Variants in ATAD2B observed in about 807,000 individuals in gnomAD.
ATAD2B encodes the protein ATPase family AAA domain containing 2B.
ATAD2B carries 40 observed loss-of-function variants against 167.6 expected under a neutral mutation model. That is an observed-to-expected ratio of 0.24 (90% CI 0.19 to 0.31). The LOEUF is 0.31. Among genes scored for constraint, ATAD2B ranks in the 10% least tolerant of loss-of-function variants. ATAD2B has a pLI of 1.00. For missense variants in ATAD2B, 1,242 were observed against 1,757.2 expected (o/e 0.71, Z 5.24); for synonymous variants, 579 against 596.5 (o/e 0.97, Z 0.43).
downstream of ATAD2B, among the ~76,000 whole-genome samples, chr2:23,745,422 A>AAGGAAGGAAGGAAGGAAGAAAGGAAAGGG (rs1491261605): frequency 1.1e-4 from 9 of 85,064 alleles, no homozygotes; most frequent in South Asian, 1.8e-3. Flanking sequence ...GGAAGGAAGG[A>AAGGAAGGAAGGAAGGAAGAAAGGAAAGGG]AAGGGAAGGG....
At chr2:23,807,471 C>A (rs548981421) in intron 18 of ATAD2B, among the ~76,000 whole-genome samples, 4 of 152,136 alleles carry the variant, frequency 2.6e-5, no homozygotes, top group African/African-American at 9.7e-5. Flanking sequence ...ACAACATAAG[C>A]TCCTGAGATC....
intron 1 of ATAD2B, among the ~76,000 whole-genome samples, chr2:23,908,250 G>A (rs1285048859): frequency 6.6e-6 from 1 of 151,948 alleles, no homozygotes; most frequent in African/African-American, 2.4e-5. Flanking sequence ...ATCTGACAAA[G>A]GGCTAATATC....
intron 14 of ATAD2B, chr2:23,832,433 G>C (rs1389223796): frequency 4.8e-6 from 1 of 210,482 alleles, no homozygotes; most frequent in African/African-American, 2.3e-5. Flanking sequence ...GTGCAATATA[G>C]TAAGCCATGA....
intron 1 of ATAD2B, among the ~76,000 whole-genome samples, chr2:23,910,731 G>C (rs948402499): frequency 4.6e-5 from 7 of 151,686 alleles, no homozygotes; most frequent in Non-Finnish European, 7.4e-5. Context: ...AGCTGGGCGT[G>C]GGGGAGCACG....
chr2:23,765,373 A>G, intron 23 of ATAD2B, 133 bp downstream of exon 23: 1 of 748,370 alleles, frequency 1.3e-6, no homozygotes, highest in South Asian at 4.9e-5. Flanking sequence ...ACACATTAGT[A>G]TCAGAAATTA....
At chr2:23,755,758 G>A (rs1189270374) in intron 25 of ATAD2B, among the ~76,000 whole-genome samples, 3 of 152,074 alleles carry the variant, frequency 2.0e-5, no homozygotes, top group Non-Finnish European at 2.9e-5. Flanking sequence ...AACAGCAAAC[G>A]AACCAAAGTA....
chr2:23,683,271 C>T, the ATAD2B span, among the ~76,000 whole-genome samples: 1 of 152,238 alleles, frequency 6.6e-6, no homozygotes, highest in Non-Finnish European at 1.5e-5. Context: ...CTCTCCCACA[C>T]ACCTGCCAAG....
At chr2:23,872,401 T>A in intron 8 of ATAD2B, 1 of 700,590 alleles carries the variant, frequency 1.4e-6, no homozygotes, top group Non-Finnish European at 2.7e-6. Flanking sequence ...CATGACAGCC[T>A]CTTCAGAGAG....
In ATAD2B at chr2:23,903,985, C is replaced by A. The variant is rs186934829; in HGVS notation, c.217-8015G>T. Among the ~76,000 whole-genome samples the A allele has an allele frequency of 4.5e-3, 685 of 151,542 alleles. 4 individuals are homozygous for A. Among genetic ancestry groups the A allele is most frequent in the Non-Finnish European group, 8.0e-3 (542 of 67,876 alleles). ...GTAGTGGTGATGGTGGTGTGGGGAG[C>A]CAGGGAACAGGTGATGACGGGAGAA... is the stretch of plus-strand genomic sequence containing the variant. On this transcript the variant is annotated intron_variant, in intron 1 of 27. Coordinates refer to ENST00000238789, the MANE Select transcript of ATAD2B (RefSeq NM_017552.4).
At chr2:23,712,194 C>A in the ATAD2B span, among the ~76,000 whole-genome samples, 1 of 152,188 alleles carries the variant, frequency 6.6e-6, no homozygotes, top group Non-Finnish European at 1.5e-5. Context: ...CACTACACAG[C>A]CCCTCCAAGT....
At chr2:23,903,936 T>TTGTTGG (rs199782596) in intron 1 of ATAD2B, among the ~76,000 whole-genome samples, 11,973 of 151,532 alleles carry the variant, frequency 0.079, 585 homozygotes, top group South Asian at 0.12. Flanking sequence ...GTGCCGGTTG[T>TTGTTGG]TGTTGGTGGT....
chr2:23,908,685 C>A (rs979646146), intron 1 of ATAD2B, among the ~76,000 whole-genome samples: 40 of 151,978 alleles, frequency 2.6e-4, no homozygotes, highest in Non-Finnish European at 5.0e-4. Context: ...GACACATGCA[C>A]GCGTATGTTT....
At chr2:23,825,249 A>T (rs374530428) in intron 15 of ATAD2B, among the ~76,000 whole-genome samples, 1 of 149,506 alleles carries the variant, frequency 6.7e-6, no homozygotes, top group South Asian at 2.1e-4. Context: ...TGGCCTATTT[A>T]TCTTTTTATA....
chr2:23,891,534 C>T (rs371838638), intron 2 of ATAD2B, among the ~76,000 whole-genome samples: 1 of 151,810 alleles, frequency 6.6e-6, no homozygotes, highest in African/African-American at 2.4e-5. Flanking sequence ...CTCACTCTGT[C>T]GCCCACGGTG....
chr2:23,697,666 C>T, the ATAD2B span: 2 of 152,158 alleles, frequency 1.3e-5, no homozygotes, highest in Non-Finnish European at 2.9e-5. Context: ...TTTAACTCCT[C>T]CCCCAAGTAG....
At chr2:23,872,606 T>C (rs1210257552) in intron 8 of ATAD2B, 3 of 1,306,424 alleles carry the variant, frequency 2.3e-6, no homozygotes, top group African/African-American at 1.5e-5. Context: ...CTTACTAATG[T>C]TGCTGTAGAA....
chr2:23,769,855 T>C (rs1678041054), intron 22 of ATAD2B, among the ~76,000 whole-genome samples: 1 of 151,556 alleles, frequency 6.6e-6, no homozygotes, highest in Admixed American at 6.6e-5. Flanking sequence ...AGCTGATTTT[T>C]GTATATTTAG....
the ATAD2B span, among the ~76,000 whole-genome samples, chr2:23,743,634 T>C: frequency 6.6e-6 from 1 of 151,602 alleles, no homozygotes; most frequent in Non-Finnish European, 1.5e-5. Flanking sequence ...GTTTTTAAAA[T>C]TGTTTTTTTG....
At chr2:23,787,312 A>G (rs905594787) in intron 20 of ATAD2B, among the ~76,000 whole-genome samples, 3 of 152,080 alleles carry the variant, frequency 2.0e-5, no homozygotes, top group Admixed American at 6.6e-5. Flanking sequence ...TGAAAAGTGA[A>G]AGTCAACAGA....
Sources: gnomAD v4.1 joint callset for allele counts (sites outside exome capture counted in the v4.1 genomes callset) on GRCh38, gnomAD v4.1.1 for gene constraint, MANE v1.5 for transcripts, NCBI Gene and HGNC (gene_info 2026-07-23, HGNC 2026-07-21) for gene names.